Variants in SV2C observed in about 807,000 individuals in gnomAD.
SV2C encodes the protein synaptic vesicle glycoprotein 2C.
Under a neutral mutation model 79.7 loss-of-function variants are expected in SV2C, and 49 were observed. That is an observed-to-expected ratio of 0.61 (90% CI 0.49 to 0.78). SV2C has a LOEUF of 0.78. SV2C is among the 30% of genes least tolerant of loss of function. The pLI is 0.00. For synonymous variants in SV2C, 334 were observed against 333.2 expected, an observed-to-expected ratio of 1.00 and a Z score of -0.03; for missense variants, 833 against 912.9, an observed-to-expected ratio of 0.91 and a Z score of 1.13.
At chr5:76,120,157 A>T (rs564477581) in intron 1 of SV2C, among the ~76,000 whole-genome samples, 1 of 152,202 alleles carries the variant, frequency 6.6e-6, no homozygotes, top group Non-Finnish European at 1.5e-5. Flanking sequence ...AAAAAATTTT[A>T]AAAAGAATCT....
At chr5:75,901,578 C>G in the SV2C span, among the ~76,000 whole-genome samples, 2 of 152,230 alleles carry the variant, frequency 1.3e-5, no homozygotes, top group African/African-American at 4.8e-5. Context: ...CTTCTCAGAT[C>G]TCCAGCTGCA....
At chr5:76,190,588 T>C (rs72773752) in intron 2 of SV2C, among the ~76,000 whole-genome samples, 14,523 of 152,104 alleles carry the variant, frequency 0.095, 854 homozygotes, top group Non-Finnish European at 0.13. Context: ...AATTGGGCAA[T>C]GCAGAAATGA....
At chr5:75,866,704 G>A in the SV2C span, among the ~76,000 whole-genome samples, 3 of 152,170 alleles carry the variant, frequency 2.0e-5, no homozygotes, top group Non-Finnish European at 4.4e-5. Context: ...CTTTGAGAGA[G>A]AAAAGATTTT....
exon 13 of SV2C, chr5:76,353,205 A>G (rs1471318848): frequency 1.0e-5 from 4 of 401,336 alleles, no homozygotes; most frequent in African/African-American, 2.1e-5. Context: ...TCAGCCTCCC[A>G]AAGTTCTGGG....
the SV2C span, among the ~76,000 whole-genome samples, chr5:76,009,867 G>A: frequency 0.19 from 28,886 of 151,268 alleles, 3,104 homozygotes; most frequent in East Asian, 0.43. Flanking sequence ...TATATACCCA[G>A]GTAACAAACC....
At chr5:76,264,757 C>A (rs1746590665) in intron 4 of SV2C, among the ~76,000 whole-genome samples, 2 of 152,168 alleles carry the variant, frequency 1.3e-5, no homozygotes, top group Non-Finnish European at 2.9e-5. Context: ...TGGGTATTAC[C>A]AGCAGAGGCT....
the SV2C span, among the ~76,000 whole-genome samples, chr5:75,955,569 T>A: frequency 6.9e-6 from 1 of 145,336 alleles, no homozygotes; most frequent in Non-Finnish European, 1.5e-5. Flanking sequence ...CTAAAGAGCT[T>A]CTGCACAGCA....
chr5:76,193,790 T>G (rs1009908451), intron 2 of SV2C, among the ~76,000 whole-genome samples: 1 of 152,120 alleles, frequency 6.6e-6, no homozygotes, highest in Non-Finnish European at 1.5e-5. Flanking sequence ...GTCTGTTAGA[T>G]CAAGTTGAAT....
the SV2C span, among the ~76,000 whole-genome samples, chr5:75,857,950 G>A: frequency 2.0e-5 from 3 of 152,130 alleles, no homozygotes; most frequent in Non-Finnish European, 4.4e-5. Flanking sequence ...TTTGTATGTT[G>A]ATTTTGTATC....
At chr5:76,057,449 A>T in the SV2C span, among the ~76,000 whole-genome samples, 1 of 151,466 alleles carries the variant, frequency 6.6e-6, no homozygotes, top group African/African-American at 2.4e-5. Flanking sequence ...TCGTTGTTCA[A>T]TTCCCACCTA....
At chr5:75,898,135 C>G in the SV2C span, among the ~76,000 whole-genome samples, 1 of 152,172 alleles carries the variant, frequency 6.6e-6, no homozygotes, top group Non-Finnish European at 1.5e-5. Flanking sequence ...GAGGGCATCC[C>G]TGTCTTGTGC....
At chr5:76,191,252 T>G (rs1301462483) in intron 2 of SV2C, among the ~76,000 whole-genome samples, 1 of 131,514 alleles carries the variant, frequency 7.6e-6, no homozygotes, top group Non-Finnish European at 1.7e-5. Flanking sequence ...CATGGTCTAA[T>G]CACCTCCCAG....
At chr5:75,869,957 G>A in the SV2C span, among the ~76,000 whole-genome samples, 21 of 152,274 alleles carry the variant, frequency 1.4e-4, no homozygotes, top group East Asian at 9.7e-4. Flanking sequence ...GGCTTGGGAT[G>A]CCTTCTAAAT....
chr5:75,886,877 C>T, the SV2C span, among the ~76,000 whole-genome samples: 2 of 152,018 alleles, frequency 1.3e-5, no homozygotes, highest in African/African-American at 2.4e-5. Flanking sequence ...GATGACTAAC[C>T]AGGCAAGTTT....
At chr5:75,910,545 C>T in the SV2C span, 1 of 653,194 alleles carries the variant, frequency 1.5e-6, no homozygotes, top group African/African-American at 1.8e-5. Context: ...AATTGTTCAC[C>T]TTTGGTTTAC....
chr5:76,108,786 C>T (rs1031401370), intron 1 of SV2C, among the ~76,000 whole-genome samples: 5 of 152,008 alleles, frequency 3.3e-5, no homozygotes, highest in African/African-American at 4.8e-5. Flanking sequence ...AAGCAAATGG[C>T]GATAACATGT....
chr5:75,936,386 TTTGA>T, the SV2C span, among the ~76,000 whole-genome samples: 3 of 152,204 alleles, frequency 2.0e-5, no homozygotes, highest in African/African-American at 4.8e-5. Context: ...GGAGAAAGAC[TTTGA>T]TTGTGTCAGT....
At chr5:75,943,655 C>A in the SV2C span, among the ~76,000 whole-genome samples, 1 of 152,102 alleles carries the variant, frequency 6.6e-6, no homozygotes, top group Non-Finnish European at 1.5e-5. Context: ...GATGGTTGAC[C>A]TTGAACAAAA....
intron 12 of SV2C, among the ~76,000 whole-genome samples, chr5:76,308,024 C>T (rs927703548): frequency 6.6e-6 from 1 of 152,142 alleles, no homozygotes. Flanking sequence ...ATCAGTGTTG[C>T]CATCTATTGA....
Sources: allele counts gnomAD v4.1 joint callset (sites outside exome capture counted in the v4.1 genomes callset), GRCh38; gene constraint gnomAD v4.1.1; transcripts MANE v1.5; gene names NCBI Gene and HGNC (gene_info 2026-07-23, HGNC 2026-07-21).